PKP1: variants seen among roughly 807,000 people sequenced by gnomAD.
PKP1 encodes plakophilin-1.
In PKP1, 27 loss-of-function variants were observed where a neutral mutation model predicts 76.4. The ratio of observed to expected loss-of-function variants is 0.35; its 90% confidence interval spans 0.26 to 0.49. PKP1 has a LOEUF of 0.49. Ranked by LOEUF, PKP1 falls within the 20% of genes least tolerant of loss-of-function variation. The pLI, the probability that PKP1 is intolerant of heterozygous loss-of-function variation, is 0.99. For synonymous variants in PKP1, 404 were observed against 384.2 expected, an observed-to-expected ratio of 1.05 and a Z score of -0.60; for missense variants, 964 against 955.2, an observed-to-expected ratio of 1.01 and a Z score of -0.12.
At chr1:201,294,078 A>G (rs772363452) in intron 2 of PKP1, 33 bp downstream of exon 2, 2 of 1,426,674 alleles carry the variant, frequency 1.4e-6, no homozygotes, top group Non-Finnish European at 9.9e-7. Flanking sequence ...AAAGACCTGG[A>G]GTACTTGTGG....
intron 13 of PKP1, among the ~76,000 whole-genome samples, chr1:201,329,870 A>C (rs903964792): frequency 6.6e-6 from 1 of 152,174 alleles, no homozygotes; most frequent in Non-Finnish European, 1.5e-5. Context: ...GGCAGGGGAC[A>C]CTGTGGCAGG....
rs549265985 is a variant in PKP1, at chr1:201,308,721, GGACA to G, written c.307-4443_307-4440del. 1.2e-4 allele frequency among the ~76,000 whole-genome samples: 18 copies of G among 152,194 alleles called. No homozygotes were observed. In the South Asian group the frequency reaches 3.7e-3, roughly 32 times the overall value. ...GTGCTGGGGAGGGGAAGAGATGGCT[GGACA>G]GGCAGGGTGGGGCTGGGCTGGGGAG... On this transcript the variant is annotated intron_variant, in intron 2 of 13. Transcript: ENST00000367324.
chr1:201,303,871 G>T (rs1411432194), intron 2 of PKP1, among the ~76,000 whole-genome samples: 20 of 152,194 alleles, frequency 1.3e-4, no homozygotes, highest in Non-Finnish European at 2.4e-4. Flanking sequence ...TCCCAAAGCA[G>T]GCAAGGTAGG....
chr1:201,296,855 A>AC (rs1294950437), intron 2 of PKP1, among the ~76,000 whole-genome samples: 1 of 152,192 alleles, frequency 6.6e-6, no homozygotes, highest in Non-Finnish European at 1.5e-5. Context: ...CCTGGGTTTG[A>AC]CCAGAAACAA....
In PKP1 at chr1:201,323,119, A is replaced by G. The variant is rs768711820; in HGVS notation, c.1610A>G (p.Lys537Arg). 2.5e-6 allele frequency: 4 copies of G among 1,614,166 alleles called. No individual in the cohort carries two copies. The highest frequency in any genetic ancestry group is 1.7e-5 in the Admixed American group (1 of 60,036). ...AIRTYLNLMG[K>R]SKKDATLEAC... ...CGCACCTACCTGAACCTCATGGGCA[A>G]GAGCAAGAAAGATGCTACCCTGGAG... is the stretch of plus-strand genomic sequence containing the variant. Residue 537 changes from lysine to arginine, a missense_variant, in exon 9 of 14, where the codon AAG (lysine) becomes AGG (arginine). Coordinates refer to ENST00000367324, the MANE Select transcript of PKP1 (RefSeq NM_001005337.3).
At chr1:201,309,458 G>A (rs1656469324) in intron 2 of PKP1, among the ~76,000 whole-genome samples, 1 of 152,184 alleles carries the variant, frequency 6.6e-6, no homozygotes, top group Non-Finnish European at 1.5e-5. Context: ...CTGTCTGGCT[G>A]TCCAGTCTAG....
intron 2 of PKP1, among the ~76,000 whole-genome samples, chr1:201,312,383 T>C (rs1301649410): frequency 2.0e-5 from 3 of 152,182 alleles, no homozygotes; most frequent in African/African-American, 4.8e-5. Flanking sequence ...GGGAATGGCA[T>C]AGGGCTTGGA....
intron 1 of PKP1, among the ~76,000 whole-genome samples, chr1:201,286,921 T>C (rs1655757279): frequency 6.6e-6 from 1 of 152,158 alleles, no homozygotes; most frequent in South Asian, 2.1e-4. Context: ...ACTTGGAATC[T>C]CTTCCTAAAG....
At chr1:201,328,714 AG>A in intron 12 of PKP1, 47 bp from the exon 13 acceptor site, 1 of 1,547,734 alleles carries the variant, frequency 6.5e-7, no homozygotes, top group Non-Finnish European at 8.9e-7. Context: ...CCCCACAGCA[AG>A]CCCCACACAG....
chr1:201,295,747 A>T (rs892371250), intron 2 of PKP1, among the ~76,000 whole-genome samples: 9 of 152,212 alleles, frequency 5.9e-5, no homozygotes, highest in African/African-American at 2.2e-4. Flanking sequence ...AAAGGGAATG[A>T]TGATACTCGT....
intron 2 of PKP1, among the ~76,000 whole-genome samples, chr1:201,298,146 C>T: frequency 6.6e-6 from 1 of 152,204 alleles, no homozygotes; most frequent in East Asian, 1.9e-4. Flanking sequence ...CTTTAGGCTG[C>T]AGCATTTCTG....
chr1:201,321,485 G>A lies in PKP1; in HGVS notation c.1348-493G>A, dbSNP rs150385200. Among the ~76,000 whole-genome samples, 737 of 152,150 alleles carry A rather than the reference G, an allele frequency of 4.8e-3. 12 individuals carry two copies. The highest frequency in any genetic ancestry group is 2.5e-3 in the Non-Finnish European group (167 of 67,994). ...TAGCACCGCTGACATTGACAGCTAA[G>A]GACTGGCCCCAGGAAGAAAGAATGA... On this transcript the variant is annotated intron_variant, in intron 7 of 13. Transcript: ENST00000367324.
intron 1 of PKP1, among the ~76,000 whole-genome samples, chr1:201,285,403 C>A (rs1655702091): frequency 6.6e-6 from 1 of 152,144 alleles, no homozygotes; most frequent in African/African-American, 2.4e-5. Context: ...AAGGCCTTTG[C>A]TTCTCTGTGT....
At chr1:201,297,540 G>C (rs145303878) in intron 2 of PKP1, among the ~76,000 whole-genome samples, 1 of 152,292 alleles carries the variant, frequency 6.6e-6, no homozygotes, top group East Asian at 1.9e-4. Context: ...CCAGAGAAGA[G>C]AAATTACTCC....
rs41269939 is a variant in PKP1 at position 201,319,854 on chromosome 1, C to A, written c.1233-413C>A. 0.017 allele frequency: 26,644 copies of A among 1,613,710 alleles called. 254 individuals carry two copies. The highest frequency in any genetic ancestry group is 0.019 in the Non-Finnish European group (22,940 of 1,179,676). ...ATGCGGGAGCTTCTGGCTCTTGTTCCGCAAAGGGCCACTAGTAGCAGGGTG... is the reference window on the plus strand; with the variant it reads ...ATGCGGGAGCTTCTGGCTCTTGTTCAGCAAAGGGCCACTAGTAGCAGGGTG... On this transcript the variant is annotated intron_variant, in intron 6 of 13. Transcript: ENST00000367324.
chr1:201,304,697 T>C (rs540777817), intron 2 of PKP1, among the ~76,000 whole-genome samples: 23 of 152,350 alleles, frequency 1.5e-4, no homozygotes, highest in African/African-American at 5.5e-4. Flanking sequence ...CTAGAGTTTC[T>C]GTAGAGGGCC....
At chr1:201,299,529 T>C (rs912378338) in intron 2 of PKP1, among the ~76,000 whole-genome samples, 2 of 152,222 alleles carry the variant, frequency 1.3e-5, no homozygotes, top group African/African-American at 2.4e-5. Flanking sequence ...GCATGTGGCT[T>C]GAGAGCTGAC....
chr1:201,315,888 G>A (rs1349345800), intron 3 of PKP1, among the ~76,000 whole-genome samples: 1 of 152,110 alleles, frequency 6.6e-6, no homozygotes, highest in African/African-American at 2.4e-5. Context: ...ATTTTAGATG[G>A]GGGAACTTGA....
In PKP1 at chr1:201,283,687, C is replaced by T. The variant is rs1655639810; in HGVS notation, c.-16C>T. On this transcript the variant is annotated 5_prime_UTR_variant, in exon 1 of 14. Coordinates refer to ENST00000367324, the MANE Select transcript of PKP1 (RefSeq NM_001005337.3). Reference sequence around the variant, plus strand: ...TCTCCTAGGCCCCGGCCGCGCGCCACCCGCCTCCCGCCACCATGAACCACT... The same window carrying T: ...TCTCCTAGGCCCCGGCCGCGCGCCATCCGCCTCCCGCCACCATGAACCACT... The T allele has an allele frequency of 6.2e-7, 1 of 1,610,938 alleles. No individual in the cohort carries two copies. The highest frequency in any genetic ancestry group is 1.6e-4 in the Middle Eastern group (1 of 6,080).
Sources: gnomAD v4.1 joint callset for allele counts (sites outside exome capture counted in the v4.1 genomes callset) on GRCh38, gnomAD v4.1.1 for gene constraint, MANE v1.5 for transcripts, NCBI Gene and HGNC (gene_info 2026-07-23, HGNC 2026-07-21) for gene names.